Variants in TSN observed in about 807,000 individuals in gnomAD.
TSN encodes the protein translin, also known as component 3 of promoter of RISC.
In TSN, 5 loss-of-function variants were observed where a neutral mutation model predicts 29.4. The ratio of observed to expected loss-of-function variants is 0.17; its 90% CI spans 0.09 to 0.36. The LOEUF is 0.36. TSN is among the 10% of genes least tolerant of loss of function. The pLI is 1.00. For synonymous variants in TSN, 106 were observed against 102.2 expected, an observed-to-expected ratio of 1.04 and a Z score of -0.23; for missense variants, 159 against 272.8, an observed-to-expected ratio of 0.58 and a Z score of 2.94.
rs1417015487 is a variant in TSN at position 121,755,743 on chromosome 2, C to T, written c.-37C>T. On this transcript the variant is annotated 5_prime_UTR_variant, in exon 1 of 6. Transcript: ENST00000389682. Reference sequence around the variant, plus strand: ...CTGCGGCGTCCACTTCCTTGGCCGCCCTTGCTACACTGGCTGATTGTTGTG... The same window carrying T: ...CTGCGGCGTCCACTTCCTTGGCCGCTCTTGCTACACTGGCTGATTGTTGTG... 4 of 1,611,410 alleles carry T rather than the reference C, an allele frequency of 2.5e-6. No individual in the cohort carries two copies. The highest frequency in any genetic ancestry group is 3.3e-5 in the Admixed American group (2 of 60,020).
chr2:121,757,310 A>C lies in TSN; in HGVS notation c.137A>C (p.His46Pro). Reference sequence around the variant, plus strand: ...ATTTTAACTCTACTGCAAGGGGTCCATCAGGGTGCTGGGTTTCAGGACAGT... The same window carrying C: ...ATTTTAACTCTACTGCAAGGGGTCCCTCAGGGTGCTGGGTTTCAGGACAGT... ...REILTLLQGV[H>P]QGAGFQDIPK... Residue 46 changes from histidine to proline, a missense_variant, in exon 2 of 6, where the codon CAT (histidine) becomes CCT (proline). His to Pro is a moderately conservative substitution (Grantham distance 77, BLOSUM62 -2). This residue lies in a region of TSN where 43 missense variants were observed against 68.6 expected (regional missense o/e 0.63). Transcript: ENST00000389682. 6.2e-7 allele frequency: 1 copy of C among 1,614,184 alleles called. No homozygotes were observed. The highest frequency in any genetic ancestry group is 8.5e-7 in the Non-Finnish European group (1 of 1,180,012).
Position 121,765,420 on chromosome 2 carries a change from T to C in TSN, c.*53T>C. On this transcript the variant is annotated 3_prime_UTR_variant, in exon 6 of 6. Coordinates refer to ENST00000389682, the MANE Select transcript of TSN (RefSeq NM_004622.3). Reference sequence around the variant, plus strand: ...GACCTCAGCGGTTGCCAGGAAGGGGTGAGCACAGAGTGCCTCTTACGGTAG... The same window carrying C: ...GACCTCAGCGGTTGCCAGGAAGGGGCGAGCACAGAGTGCCTCTTACGGTAG... 1 of 1,561,128 alleles carries C rather than the reference T, an allele frequency of 6.4e-7. No homozygotes were observed. Among genetic ancestry groups the C allele is most frequent in the Non-Finnish European group, 8.8e-7 (1 of 1,134,014 alleles).
At chr2:121,761,375 A>G in intron 3 of TSN, 34 bp from the exon 4 acceptor site, 3 of 1,533,630 alleles carry the variant, frequency 2.0e-6, no homozygotes, top group Non-Finnish European at 2.7e-6. Context: ...AAGGTCCCTA[A>G]CCTTGGAGGC....
At chr2:121,765,089 GGA>G in intron 5 of TSN, 43 bp from the exon 6 acceptor site, 5 of 1,578,418 alleles carry the variant, frequency 3.2e-6, no homozygotes, top group Non-Finnish European at 8.7e-7. Context: ...GCGCTGAGAA[GGA>G]GCCATGTTGT....
chr2:121,757,060 G>A (rs1412861495), intron 1 of TSN, among the ~76,000 whole-genome samples, 180 bp from the exon 2 acceptor site: 1 of 152,174 alleles, frequency 6.6e-6, no homozygotes, highest in African/African-American at 2.4e-5. Context: ...ATTCTTTAAA[G>A]GGTATCTGAG....
rs1191510896 is a variant in TSN, at chr2:121,767,289, TGTAA to T, written c.*1925_*1928del. 2 of 152,168 alleles carry T rather than the reference TGTAA, an allele frequency of 1.3e-5. No homozygotes were observed. The highest frequency in any genetic ancestry group is 2.9e-5 in the Non-Finnish European group (2 of 68,040). 9.4% of individuals were successfully genotyped at this position (152,168 alleles called of 1,614,324 possible). A position where few individuals can be genotyped will look rare whatever the true frequency, so the allele number is the denominator to read the frequency against. The stretch of plus-strand genomic sequence containing the variant: ...AGCAATAAAATTTTTTTGGTCTTTT[TGTAA>T]GTGAGTGTGCTGCTGTAAGAAATCT... On this transcript the variant is annotated 3_prime_UTR_variant, in exon 6 of 6. Transcript: ENST00000389682.
intron 3 of TSN, among the ~76,000 whole-genome samples, chr2:121,759,988 T>G (rs2106453941): frequency 6.6e-6 from 1 of 152,306 alleles, no homozygotes. Context: ...CAGAAAACAT[T>G]TGCTGATCCT....
Position 121,762,105 on chromosome 2 carries a change from A to G in TSN, c.373+581A>G, listed in dbSNP as rs112153292. On this transcript the variant is annotated intron_variant, in intron 4 of 5. Coordinates refer to ENST00000389682, the MANE Select transcript of TSN (RefSeq NM_004622.3). ...CCTCCTGGGTTCAAGCATTTCTCCT[A>G]CCTCAGCCTCCTGAGTAGCTGGAAT... Among the ~76,000 whole-genome samples the G allele has an allele frequency of 7.5e-3, 1,128 of 151,382 alleles. 13 individuals are homozygous for G. The highest frequency in any genetic ancestry group is 0.026 in the African/African-American group (1,086 of 41,228).
chr2:121,758,184 T>C (rs564386188), intron 2 of TSN, among the ~76,000 whole-genome samples: 1 of 152,304 alleles, frequency 6.6e-6, no homozygotes, highest in Admixed American at 6.5e-5. Flanking sequence ...ATGTCAAGTT[T>C]AGACATGGAA....
intron 5 of TSN, among the ~76,000 whole-genome samples, chr2:121,763,608 A>G (rs2106456919): frequency 6.6e-6 from 1 of 152,352 alleles, no homozygotes; most frequent in Non-Finnish European, 1.5e-5. Context: ...TTACTGAGTT[A>G]AGAATTTTTA....
intron 3 of TSN, among the ~76,000 whole-genome samples, chr2:121,760,362 T>C (rs2074807847): frequency 6.6e-6 from 1 of 152,194 alleles, no homozygotes; most frequent in African/African-American, 2.4e-5. Context: ...TCCCTGGTGT[T>C]GAAAAGGTCA....
intron 2 of TSN, chr2:121,757,555 T>TA: frequency 2.5e-6 from 2 of 801,266 alleles, no homozygotes; most frequent in Non-Finnish European, 3.8e-6. Flanking sequence ...TGATGATAAT[T>TA]ACAATTGCTT....
rs538702812 is a variant in TSN at position 121,755,733 on chromosome 2, C to A, written c.-47C>A. The A allele has an allele frequency of 6.2e-6, 10 of 1,609,190 alleles. No homozygotes were observed. The African/African-American group carries it at 8.0e-5, about 13-fold the overall frequency. ...CGCTGGTTGCCTGCGGCGTCCACTT[C>A]CTTGGCCGCCCTTGCTACACTGGCT... is the stretch of plus-strand genomic sequence containing the variant. On this transcript the variant is annotated 5_prime_UTR_variant, in exon 1 of 6. Transcript: ENST00000389682.
chr2:121,759,281 T>A (rs2074788940), intron 3 of TSN, among the ~76,000 whole-genome samples: 1 of 152,170 alleles, frequency 6.6e-6, no homozygotes, highest in Admixed American at 6.6e-5. Flanking sequence ...TTATTTTATG[T>A]ACCAGTAGGG....
At chr2:121,760,871 C>CTTTTTTTTTTTTT (rs187719044) in intron 3 of TSN, among the ~76,000 whole-genome samples, 1 of 132,864 alleles carries the variant, frequency 7.5e-6, no homozygotes, top group African/African-American at 2.9e-5. Context: ...TTTTTTCTGT[C>CTTTTTTTTTTTTT]TTTTTTTTTT....
chr2:121,755,673 G>A lies in TSN; in HGVS notation c.-107G>A. Reference sequence around the variant, plus strand: ...GACGGTCGTGGCGTAAGACCGGGGGGACGCGGCGGTAGCGGCGGCCGTTGC... The same window carrying A: ...GACGGTCGTGGCGTAAGACCGGGGGAACGCGGCGGTAGCGGCGGCCGTTGC... On this transcript the variant is annotated 5_prime_UTR_variant, in exon 1 of 6. Coordinates refer to ENST00000389682, the MANE Select transcript of TSN (RefSeq NM_004622.3). 2 of 1,463,808 alleles carry A rather than the reference G, an allele frequency of 1.4e-6. No homozygotes were observed. The highest frequency in any genetic ancestry group is 1.2e-5 in the South Asian group (1 of 86,882). The allele number at this position is 1,463,808 out of a possible 1,614,324, so 90.7% of individuals were successfully genotyped here.
Position 121,755,672 on chromosome 2 carries a change from G to A in TSN, c.-108G>A, listed in dbSNP as rs531006115. 3 of 1,454,968 alleles carry A rather than the reference G, an allele frequency of 2.1e-6. No homozygotes were observed. The highest frequency in any genetic ancestry group is 1.2e-5 in the South Asian group (1 of 86,592). The allele number at this position is 1,454,968 out of a possible 1,614,324, so 90.1% of individuals were successfully genotyped here. A position where few individuals can be genotyped will look rare whatever the true frequency, so the allele number is the denominator to read the frequency against. On this transcript the variant is annotated 5_prime_UTR_variant, in exon 1 of 6. Transcript: ENST00000389682. ...CGACGGTCGTGGCGTAAGACCGGGGGGACGCGGCGGTAGCGGCGGCCGTTG... is the reference window on the plus strand; with the variant it reads ...CGACGGTCGTGGCGTAAGACCGGGGAGACGCGGCGGTAGCGGCGGCCGTTG...
intron 5 of TSN, among the ~76,000 whole-genome samples, chr2:121,764,693 A>G (rs1488139012): frequency 6.6e-6 from 1 of 151,722 alleles, no homozygotes; most frequent in East Asian, 2.0e-4. Flanking sequence ...TTAGATTCTT[A>G]TCCCAAGTCT....
chr2:121,764,654 C>T (rs1458478702), intron 5 of TSN, among the ~76,000 whole-genome samples: 2 of 151,228 alleles, frequency 1.3e-5, no homozygotes, highest in African/African-American at 4.9e-5. Context: ...GTTAGTTCTC[C>T]TTCAAGACAG....
Sources: gnomAD v4.1 joint callset for allele counts (sites outside exome capture counted in the v4.1 genomes callset) on GRCh38, gnomAD v4.1.1 for gene constraint, gnomAD v4.1.1 regional missense constraint, MANE v1.5 for transcripts, NCBI Gene and HGNC (gene_info 2026-07-23, HGNC 2026-07-21) for gene names.